The following MSRB3 variants were observed in gnomAD, a reference collection of about 807,000 sequenced individuals.
The protein encoded by MSRB3 is methionine sulfoxide reductase B3.
Under a neutral mutation model 21.0 loss-of-function variants are expected in MSRB3, and 13 were observed. That is an observed-to-expected ratio of 0.62 (90% CI 0.40 to 0.98). MSRB3 has a LOEUF of 0.98. Ranked by LOEUF, MSRB3 falls within the 50% of genes least tolerant of loss-of-function variation. The pLI is 0.00. For synonymous variants in MSRB3, 87 were observed against 88.6 expected (o/e 0.98, Z 0.10); for missense variants, 199 against 230.3 (o/e 0.86, Z 0.88).
intron 4 of MSRB3, among the ~76,000 whole-genome samples, chr12:65,367,963 T>C (rs1014183890): frequency 6.6e-6 from 1 of 152,142 alleles, no homozygotes; most frequent in Non-Finnish European, 1.5e-5. Context: ...AAGCATCAGC[T>C]GAAACTTTGT....
chr12:65,383,887 G>C (rs532530990), intron 5 of MSRB3, among the ~76,000 whole-genome samples: 1 of 152,266 alleles, frequency 6.6e-6, no homozygotes, highest in Non-Finnish European at 1.5e-5. Flanking sequence ...TCGAACTCCT[G>C]AACTCAGGTG....
At chr12:65,438,283 T>G (rs1032922083) in intron 5 of MSRB3, among the ~76,000 whole-genome samples, 6 of 151,792 alleles carry the variant, frequency 4.0e-5, no homozygotes, top group African/African-American at 1.2e-4. Flanking sequence ...GCCTAGAAGA[T>G]CAAATGGAAG....
chr12:65,310,122 TAC>T (rs917414199), intron 2 of MSRB3, among the ~76,000 whole-genome samples: 10 of 152,096 alleles, frequency 6.6e-5, no homozygotes, highest in Admixed American at 6.5e-4. Context: ...AAATAGCAAA[TAC>T]ACTTTTTTTA....
rs1264720063 is a variant in MSRB3 at position 65,308,604 on chromosome 12, T to C, written c.25T>C (p.Leu9=). Residue 9 remains leucine, a synonymous_variant, in exon 2 of 7, where the codon TTG becomes CTG. Coordinates refer to ENST00000308259, the MANE Select transcript of MSRB3 (RefSeq NM_001031679.3). ...GATGTCTGCATTCAACCTGCTGCAT[T>C]TGGTGACAAAGAGCCAGCCAGTAGC... MSAFNLLH[L]VTKSQPVALR... is the part of the protein sequence containing the mutation. 3 of 1,614,002 alleles carry C rather than the reference T, an allele frequency of 1.9e-6. No individual in the cohort carries two copies. Among genetic ancestry groups the C allele is most frequent in the South Asian group, 1.1e-5 (1 of 91,086 alleles).
intron 5 of MSRB3, among the ~76,000 whole-genome samples, chr12:65,426,931 A>T (rs187137312): frequency 1.3e-5 from 2 of 152,188 alleles, no homozygotes; most frequent in East Asian, 3.9e-4. Context: ...TTGGTCTTAC[A>T]GTGTTTTCCT....
chr12:65,371,002 C>T (rs767361473), intron 5 of MSRB3, among the ~76,000 whole-genome samples: 6 of 152,126 alleles, frequency 3.9e-5, no homozygotes, highest in African/African-American at 2.4e-5. Context: ...TATTCTTTGG[C>T]ATCCTATATC....
intron 5 of MSRB3, among the ~76,000 whole-genome samples, chr12:65,398,258 C>T (rs1879924120): frequency 6.6e-6 from 1 of 152,180 alleles, no homozygotes; most frequent in Non-Finnish European, 1.5e-5. Flanking sequence ...TCTCTACATC[C>T]TCTCCAGCAT....
chr12:65,323,741 GA>G (rs1364373530), intron 2 of MSRB3, among the ~76,000 whole-genome samples: 1 of 152,150 alleles, frequency 6.6e-6, no homozygotes, highest in Non-Finnish European at 1.5e-5. Context: ...TATGACTTTA[GA>G]AAAGTGAGTC....
At chr12:65,362,739 A>C (rs2136520612) in intron 4 of MSRB3, among the ~76,000 whole-genome samples, 1 of 152,292 alleles carries the variant, frequency 6.6e-6, no homozygotes, top group African/African-American at 2.4e-5. Context: ...TTCAGAAGTT[A>C]GGTAGGCAAA....
intron 1 of MSRB3, among the ~76,000 whole-genome samples, chr12:65,302,940 T>C (rs1488337265): frequency 6.6e-6 from 1 of 152,208 alleles, no homozygotes; most frequent in Non-Finnish European, 1.5e-5. Context: ...GAATGTTTTT[T>C]ATCTTGAGAT....
At chr12:65,392,762 A>G (rs1012893557) in intron 5 of MSRB3, among the ~76,000 whole-genome samples, 3 of 152,184 alleles carry the variant, frequency 2.0e-5, no homozygotes, top group African/African-American at 7.2e-5. Flanking sequence ...TTTCTCCAAG[A>G]TTCCTCAAGA....
At chr12:65,300,625 T>C (rs1377422462) in intron 1 of MSRB3, among the ~76,000 whole-genome samples, 2 of 152,196 alleles carry the variant, frequency 1.3e-5, no homozygotes, top group African/African-American at 4.8e-5. Context: ...AGCAGGTAAT[T>C]CTCTAAGCTT....
chr12:65,393,734 A>C (rs1253067599), intron 5 of MSRB3, among the ~76,000 whole-genome samples: 1 of 151,620 alleles, frequency 6.6e-6, no homozygotes, highest in Non-Finnish European at 1.5e-5. Context: ...TTACCTGTTT[A>C]CAAAGGACAT....
intron 4 of MSRB3, among the ~76,000 whole-genome samples, chr12:65,358,821 A>G (rs554798169): frequency 1.3e-5 from 2 of 151,972 alleles, no homozygotes; most frequent in Non-Finnish European, 2.9e-5. Flanking sequence ...TTATCCTTAT[A>G]TCTTTCAAAA....
chr12:65,375,144 C>T (rs914035163), intron 5 of MSRB3, among the ~76,000 whole-genome samples: 5 of 152,102 alleles, frequency 3.3e-5, no homozygotes, highest in African/African-American at 4.8e-5. Flanking sequence ...CGCGCCCGGC[C>T]TATATCAATC....
At chr12:65,311,773 A>G (rs139780568) in intron 2 of MSRB3, among the ~76,000 whole-genome samples, 3 of 152,086 alleles carry the variant, frequency 2.0e-5, no homozygotes, top group African/African-American at 4.8e-5. Flanking sequence ...GTATTATTCA[A>G]TATGAAATAA....
intron 5 of MSRB3, among the ~76,000 whole-genome samples, chr12:65,375,574 A>C (rs1187067936): frequency 6.6e-6 from 1 of 151,882 alleles, no homozygotes; most frequent in African/African-American, 2.4e-5. Flanking sequence ...ATAGCAGGGA[A>C]TACAGGTGCA....
At chr12:65,362,613 A>G (rs1262348046) in intron 4 of MSRB3, among the ~76,000 whole-genome samples, 1 of 152,168 alleles carries the variant, frequency 6.6e-6, no homozygotes, top group African/African-American at 2.4e-5. Flanking sequence ...CAAATGTACA[A>G]TTACAACTCT....
At chr12:65,332,656 TC>T (rs1186496966) in intron 4 of MSRB3, among the ~76,000 whole-genome samples, 4 of 152,106 alleles carry the variant, frequency 2.6e-5, no homozygotes, top group Non-Finnish European at 2.9e-5. Flanking sequence ...AAAGATCATT[TC>T]CCCCACTGCT....
Sources: gnomAD v4.1 joint callset for allele counts (sites outside exome capture counted in the v4.1 genomes callset) on GRCh38, gnomAD v4.1.1 for gene constraint, MANE v1.5 for transcripts, NCBI Gene and HGNC (gene_info 2026-07-23, HGNC 2026-07-21) for gene names.